The following NTHL1 variants were observed in gnomAD, a reference collection of about 807,000 sequenced individuals.
NTHL1 encodes the protein endonuclease III-like protein 1.
A neutral mutation model predicts 32.3 loss-of-function variants in NTHL1; 32 were observed. The observed-to-expected ratio is 0.99, with a 90% confidence interval of 0.75 to 1.33. The LOEUF is 1.33. Ranked by LOEUF, NTHL1 falls within the 40% of genes most tolerant of loss-of-function variation. The probability of loss-of-function intolerance (pLI) is 0.00; values close to 1 mark genes in which losing one functional copy is unlikely to be tolerated. For synonymous variants in NTHL1, 188 were observed against 176.9 expected (o/e 1.06, Z -0.50); for missense variants, 501 against 414.1 (o/e 1.21, Z -1.82).
At chr16:2,042,189 C>A in intron 4 of NTHL1, 1 of 437,440 alleles carries the variant, frequency 2.3e-6, no homozygotes, top group Non-Finnish European at 4.6e-6. Context: ...CTTGTGCCCG[C>A]TGCTCCCAAA....
In NTHL1 at chr16:2,044,080, G is replaced by A. The variant is rs1463983648; in HGVS notation, c.526-354C>T. ...CCTTCAGGAAGGAGGGCTGGAGCTG[G>A]GGCTTCCCCACCAGCTGCCAGGCCT... On this transcript the variant is annotated intron_variant, in intron 3 of 5. Coordinates refer to ENST00000651570, the MANE Select transcript of NTHL1 (RefSeq NM_002528.7). The surrounding 1 kb of genome is among the most constrained non-coding windows in gnomAD (Gnocchi z 5.0). The A allele has an allele frequency of 7.7e-6, 3 of 389,134 alleles. No homozygotes were observed. The highest frequency in any genetic ancestry group is 1.5e-5 in the Non-Finnish European group (3 of 206,368). 24.1% of individuals were successfully genotyped at this position (389,134 alleles called of 1,614,324 possible).
chr16:2,040,216 T>C lies in NTHL1; in HGVS notation c.708A>G (p.Arg236=). 6.2e-7 allele frequency: 1 copy of C among 1,613,802 alleles called. No homozygotes were observed. Among genetic ancestry groups the C allele is most frequent in the Non-Finnish European group, 8.5e-7 (1 of 1,180,024 alleles). The change falls in exon 5 of 6, where the codon AGA becomes AGG. Residue 236 remains arginine, a synonymous_variant. Transcript: ENST00000651570. ...SGIAVDTHVH[R]IANRLRWTKK... ...TGGTCCACCTCAGCCTGTTGGCGATTCTGTGCACATGCGTGTCCACTGCTG... is the reference window on the plus strand; with the variant it reads ...TGGTCCACCTCAGCCTGTTGGCGATCCTGTGCACATGCGTGTCCACTGCTG...
Position 2,043,710 on chromosome 16 carries a change from A to G in NTHL1, c.542T>C (p.Ile181Thr). The G allele has an allele frequency of 6.2e-7, 1 of 1,611,946 alleles. No individual in the cohort carries two copies. Among genetic ancestry groups the G allele is most frequent in the Non-Finnish European group, 8.5e-7 (1 of 1,179,944 alleles). The change falls in exon 4 of 6, where the codon ATC becomes ACC. Residue 181 changes from isoleucine (I) to threonine (T), a missense_variant. Physicochemically the swap from Ile to Thr is moderately conservative, Grantham distance 89. Coordinates refer to ENST00000651570, the MANE Select transcript of NTHL1 (RefSeq NM_002528.7). The surrounding 1 kb of genome is among the most constrained non-coding windows in gnomAD (Gnocchi z 4.4). The part of the protein sequence containing the change: ...VGFWRSKVKY[I>T]KQTSAILQQH... Reference sequence around the variant, plus strand: ...CTGCAGGATGGCGCTGGTCTGCTTGATGTATTTCACCTTGCTCTGAAAGAC... The same window carrying G: ...CTGCAGGATGGCGCTGGTCTGCTTGGTGTATTTCACCTTGCTCTGAAAGAC...
intron 4 of NTHL1, chr16:2,042,109 C>T (rs1435221747): frequency 6.6e-6 from 3 of 455,626 alleles, no homozygotes; most frequent in African/African-American, 4.0e-5. Flanking sequence ...AGGAGGCAGC[C>T]CTGGGGTCTC....
chr16:2,046,006 G>A (rs1267301132), intron 2 of NTHL1, 122 bp downstream of exon 2: 1 of 755,556 alleles, frequency 1.3e-6, no homozygotes, highest in African/African-American at 1.7e-5. Flanking sequence ...GGGGCACCGG[G>A]TGTCCATCCT....
rs2084302906 is a variant in NTHL1 at position 2,043,813 on chromosome 16, C to T, written c.526-87G>A. 3 of 1,480,164 alleles carry T rather than the reference C, an allele frequency of 2.0e-6. No homozygotes were observed. The highest frequency in any genetic ancestry group is 4.6e-5 in the East Asian group (2 of 43,800). The allele number at this position is 1,480,164 out of a possible 1,614,324, so 91.7% of individuals were successfully genotyped here. A position where few individuals can be genotyped will look rare whatever the true frequency, so the allele number is the denominator to read the frequency against. ...AGCCCCCAGGAGACCCACAGGTGGC[C>T]AGAGCTACCTGCACCTGCTGAGGAC... On this transcript the variant is annotated intron_variant, in intron 3 of 5. Coordinates refer to ENST00000651570, the MANE Select transcript of NTHL1 (RefSeq NM_002528.7). The surrounding 1 kb of genome is among the most constrained non-coding windows in gnomAD (Gnocchi z 4.4).
chr16:2,045,003 C>G (rs1424595692), intron 2 of NTHL1, among the ~76,000 whole-genome samples: 4 of 152,186 alleles, frequency 2.6e-5, no homozygotes, highest in African/African-American at 9.6e-5. Context: ...ACCTGACTCA[C>G]TGGAGTAATG....
intron 1 of NTHL1, 97 bp downstream of exon 1, chr16:2,047,612 T>C: frequency 6.8e-7 from 1 of 1,467,524 alleles, no homozygotes; most frequent in Non-Finnish European, 9.0e-7. Flanking sequence ...TTGCAGCCCC[T>C]GCCCGCGCAG....
rs2150958171 is a variant in NTHL1 at position 2,047,769 on chromosome 16, C to A, written c.55G>T (p.Ala19Ser). 1.9e-6 allele frequency: 3 copies of A among 1,587,374 alleles called. No individual in the cohort carries two copies. The highest frequency in any genetic ancestry group is 1.7e-6 in the Non-Finnish European group (2 of 1,172,252). Residue 19 changes from alanine to serine, a missense_variant, in exon 1 of 6, where the codon GCT (alanine) becomes TCT (serine). Coordinates refer to ENST00000651570, the MANE Select transcript of NTHL1 (RefSeq NM_002528.7). The part of the protein sequence containing the change: ...LTRSRSLGPG[A>S]GPRGCREEPG... ...TCCTCCCTACACCCCCGCGGCCCAG[C>A]CCCGGGTCCCAGGCTCCGGCTCCGG...
intron 1 of NTHL1, 46 bp from the exon 2 acceptor site, chr16:2,046,412 G>T: frequency 6.4e-7 from 1 of 1,563,784 alleles, no homozygotes; most frequent in Non-Finnish European, 8.7e-7. Context: ...CACAGGTGAA[G>T]GTAGGGTAGG....
Position 2,040,054 on chromosome 16 carries a change from GGGT to G in NTHL1, c.792-10_792-8del, listed in dbSNP as rs1384882705. ...GATCTCGTGCCACAGCTCCCTGTGG[GGGT>G]GGGGGCTGGGTCAGTGCTGACAGAG... On this transcript the variant is annotated splice_polypyrimidine_tract_variant and splice_region_variant and intron_variant, in intron 5 of 5. Transcript: ENST00000651570. 9 of 1,612,476 alleles carry G rather than the reference GGGT, an allele frequency of 5.6e-6. No individual in the cohort carries two copies. The South Asian group carries it at 9.9e-5, about 18-fold the overall frequency.
chr16:2,042,259 T>C (rs985907849), intron 4 of NTHL1: 1 of 369,554 alleles, frequency 2.7e-6, no homozygotes, highest in South Asian at 2.0e-5. Flanking sequence ...CCAACCACGA[T>C]GCAGCACCCC....
rs2150941727 is a variant in NTHL1, at chr16:2,044,138, G to C, written c.526-412C>G. ...GGTTCCCATCCTGTGCCTGAGTGGA[G>C]AGGGCTATTTAAAACCCATCTGAGA... On this transcript the variant is annotated intron_variant, in intron 3 of 5. Transcript: ENST00000651570. This position sits in a 1 kb window ranked among gnomAD's most constrained non-coding sequence, Gnocchi z 5.0. The C allele has an allele frequency of 2.9e-6, 1 of 347,294 alleles. No individual in the cohort carries two copies. Among genetic ancestry groups the C allele is most frequent in the South Asian group, 2.7e-5 (1 of 36,366 alleles). 21.5% of individuals were successfully genotyped at this position (347,294 alleles called of 1,614,324 possible). A position where few individuals can be genotyped will look rare whatever the true frequency, so the allele number is the denominator to read the frequency against.
chr16:2,047,668 A>G, intron 1 of NTHL1, 41 bp downstream of exon 1: 1 of 1,545,874 alleles, frequency 6.5e-7, no homozygotes, highest in Non-Finnish European at 8.7e-7. Flanking sequence ...TGCAGCCCCT[A>G]TCCCGCCTCC....
At position 2,043,390 on chromosome 16, in the gene NTHL1, T is replaced by C. The variant is rs904949653; in HGVS notation, c.685+177A>G. The stretch of plus-strand genomic sequence containing the variant: ...CAGGTGCTCAGCCCATGTGACCTCC[T>C]GCCCCAGCACCTGTCTCTGAGTGGG... On this transcript the variant is annotated intron_variant, in intron 4 of 5. Transcript: ENST00000651570. The surrounding 1 kb of genome is among the most constrained non-coding windows in gnomAD (Gnocchi z 4.4). 32 of 815,048 alleles carry C rather than the reference T, an allele frequency of 3.9e-5. No individual in the cohort carries two copies. The highest frequency in any genetic ancestry group is 5.8e-5 in the Non-Finnish European group (30 of 518,212). 50.5% of individuals were successfully genotyped at this position (815,048 alleles called of 1,614,324 possible).
At chr16:2,040,708 G>A (rs975764033) in intron 4 of NTHL1, among the ~76,000 whole-genome samples, 21 of 152,152 alleles carry the variant, frequency 1.4e-4, no homozygotes, top group Non-Finnish European at 4.4e-5. Flanking sequence ...TGCTGAAACC[G>A]AGGCCCGGCA....
rs2084315222 is a variant in NTHL1, at chr16:2,044,578, GTCTC to G, written c.525+48_525+51del. ...TCGCCACCCCCCTCAGCCTTCTGAGGTCTCTCTCAGGCCACTGCCACCCGGCCCC... is the reference window on the plus strand; with the variant it reads ...TCGCCACCCCCCTCAGCCTTCTGAGGTCTCAGGCCACTGCCACCCGGCCCC... On this transcript the variant is annotated intron_variant, in intron 3 of 5. Transcript: ENST00000651570. The surrounding 1 kb of genome is among the most constrained non-coding windows in gnomAD (Gnocchi z 5.0). 1 of 1,594,936 alleles carries G rather than the reference GTCTC, an allele frequency of 6.3e-7. No homozygotes were observed. The highest frequency in any genetic ancestry group is 1.3e-5 in the African/African-American group (1 of 74,822).
At chr16:2,042,227 G>C (rs1030274341) in intron 4 of NTHL1, 3 of 399,276 alleles carry the variant, frequency 7.5e-6, no homozygotes, top group Non-Finnish European at 1.5e-5. Flanking sequence ...CTGCGGGCAG[G>C]GACCTTCCCC....
chr16:2,046,758 G>A (rs909908103), intron 1 of NTHL1, among the ~76,000 whole-genome samples: 2 of 152,174 alleles, frequency 1.3e-5, no homozygotes, highest in Non-Finnish European at 2.9e-5. Flanking sequence ...GATCACTTGA[G>A]GTCAGGAGTT....
Sources: gnomAD v4.1 joint callset for allele counts (sites outside exome capture counted in the v4.1 genomes callset) on GRCh38, gnomAD v4.1.1 for gene constraint, Gnocchi (gnomAD v3.1) non-coding constraint, MANE v1.5 for transcripts, NCBI Gene and HGNC (gene_info 2026-07-23, HGNC 2026-07-21) for gene names.